The following ATP6V0E1 variants were observed in gnomAD, a reference collection of about 807,000 sequenced individuals.
The protein encoded by ATP6V0E1 is V-type proton ATPase subunit e 1.
Under a neutral mutation model 11.6 loss-of-function variants are expected in ATP6V0E1, and 4 were observed. That is an observed-to-expected ratio of 0.35 (90% CI 0.17 to 0.79). The LOEUF (loss-of-function observed/expected upper bound fraction) is 0.79, where lower values mean the gene tolerates loss of function less well. Among genes scored for constraint, ATP6V0E1 ranks in the 30% least tolerant of loss-of-function variants. ATP6V0E1 has a pLI of 0.54. For synonymous variants in ATP6V0E1, 36 were observed against 34.8 expected, an observed-to-expected ratio of 1.04 and a Z score of -0.13; for missense variants, 105 against 100.0, an observed-to-expected ratio of 1.05 and a Z score of -0.21.
intron 3 of ATP6V0E1, among the ~76,000 whole-genome samples, chr5:173,026,000 AT>A (rs1741034640): frequency 1.3e-5 from 2 of 151,552 alleles, no homozygotes; most frequent in South Asian, 4.2e-4. Flanking sequence ...TCAAATAATA[AT>A]ATTTTTTTTT....
At chr5:173,022,732 AAGTGATCCTCCTGCCTC>A (rs1385857510) in intron 3 of ATP6V0E1, among the ~76,000 whole-genome samples, 4 of 152,164 alleles carry the variant, frequency 2.6e-5, no homozygotes, top group Admixed American at 2.6e-4. Context: ...CTCCTGGCTC[AAGTGATCCTCCTGCCTC>A]AGCCTCCTGA....
chr5:173,010,180 C>T (rs1430607406), intron 2 of ATP6V0E1, among the ~76,000 whole-genome samples: 4 of 152,048 alleles, frequency 2.6e-5, no homozygotes, highest in South Asian at 2.1e-4. Context: ...GTGGGAACCT[C>T]GGGAGAATTG....
chr5:172,992,120 G>A (rs965049326), intron 1 of ATP6V0E1, among the ~76,000 whole-genome samples: 31 of 151,460 alleles, frequency 2.0e-4, no homozygotes, highest in African/African-American at 7.5e-4. Flanking sequence ...GCGCGATCTC[G>A]GCTCACTGCA....
intron 1 of ATP6V0E1, among the ~76,000 whole-genome samples, chr5:172,989,164 G>C (rs756066737): frequency 1.3e-5 from 2 of 152,126 alleles, no homozygotes; most frequent in East Asian, 3.9e-4. Flanking sequence ...GCAAGACCTG[G>C]TCTCTACAAA....
chr5:172,996,998 T>C (rs1042284700), intron 2 of ATP6V0E1, among the ~76,000 whole-genome samples: 21 of 151,902 alleles, frequency 1.4e-4, no homozygotes, highest in South Asian at 4.1e-4. Flanking sequence ...AAACTCTATT[T>C]CAAATAAACT....
chr5:173,027,534 T>C (rs922869076), intron 3 of ATP6V0E1, among the ~76,000 whole-genome samples: 4 of 151,794 alleles, frequency 2.6e-5, no homozygotes, highest in Non-Finnish European at 4.4e-5. Context: ...GTTTCTGTTT[T>C]GCCACAACCT....
intron 2 of ATP6V0E1, among the ~76,000 whole-genome samples, chr5:173,013,503 A>G (rs144006760): frequency 0.022 from 3,283 of 147,392 alleles, 70 homozygotes; most frequent in Middle Eastern, 0.046. Flanking sequence ...TGAACCCGGC[A>G]GGCGGAGCTT....
intron 2 of ATP6V0E1, among the ~76,000 whole-genome samples, chr5:172,996,255 G>A (rs1305948714): frequency 6.6e-6 from 1 of 152,128 alleles, no homozygotes; most frequent in Non-Finnish European, 1.5e-5. Context: ...CATCAGCAAA[G>A]TCCAGTATTA....
At chr5:172,985,085 AAC>A (rs1234962206) in intron 1 of ATP6V0E1, among the ~76,000 whole-genome samples, 1 of 152,064 alleles carries the variant, frequency 6.6e-6, no homozygotes, top group Non-Finnish European at 1.5e-5. Context: ...CTCTACTAAA[AAC>A]ACAAAAAATT....
intron 3 of ATP6V0E1, among the ~76,000 whole-genome samples, chr5:173,033,427 A>G (rs1288625414): frequency 6.6e-6 from 1 of 152,244 alleles, no homozygotes; most frequent in East Asian, 1.9e-4. Flanking sequence ...CCTAAGGAAG[A>G]GAACAGAAAA....
chr5:173,019,229 T>C (rs1330752179), intron 2 of ATP6V0E1, among the ~76,000 whole-genome samples: 2 of 152,164 alleles, frequency 1.3e-5, no homozygotes, highest in Non-Finnish European at 2.9e-5. Context: ...ATTATAGGCA[T>C]GAGCCACCGC....
chr5:173,008,302 CTTT>C (rs1219833765), intron 2 of ATP6V0E1, among the ~76,000 whole-genome samples: 2 of 132,488 alleles, frequency 1.5e-5, no homozygotes, highest in Admixed American at 7.6e-5. Context: ...CTTTTCTTTT[CTTT>C]TTTTTTTTTT....
chr5:172,991,505 T>C (rs571215648), intron 1 of ATP6V0E1, among the ~76,000 whole-genome samples: 13 of 152,122 alleles, frequency 8.5e-5, no homozygotes, highest in African/African-American at 2.4e-4. Flanking sequence ...GAGTAAAGGC[T>C]TGGAATTGAG....
intron 3 of ATP6V0E1, among the ~76,000 whole-genome samples, chr5:173,029,303 C>T (rs1033990951): frequency 6.6e-6 from 1 of 152,186 alleles, no homozygotes; most frequent in Non-Finnish European, 1.5e-5. Context: ...GCTGGGTATT[C>T]TGCTGCCATT....
At chr5:173,020,144 G>C (rs1756457263) in intron 2 of ATP6V0E1, 94 bp from the exon 3 acceptor site, 2 of 986,942 alleles carry the variant, frequency 2.0e-6, no homozygotes, top group South Asian at 2.8e-5. Flanking sequence ...GTAGATTTAA[G>C]TTTTGCTAGT....
chr5:173,034,331 C>T (rs748844468), intron 3 of ATP6V0E1, 68 bp from the exon 4 acceptor site: 29 of 697,588 alleles, frequency 4.2e-5, no homozygotes, highest in South Asian at 1.9e-4. Context: ...TTAACTTTCT[C>T]GATGTTAACT....
intron 1 of ATP6V0E1, 84 bp from the exon 2 acceptor site, chr5:172,994,691 C>T (rs996746178): frequency 1.3e-4 from 143 of 1,131,286 alleles, no homozygotes; most frequent in Non-Finnish European, 1.7e-4. Context: ...GTTTGATAAT[C>T]TGGAAAGGGG....
chr5:173,014,160 T>TA (rs757466248), intron 2 of ATP6V0E1, among the ~76,000 whole-genome samples: 1,213 of 67,434 alleles, frequency 0.018, 15 homozygotes, highest in African/African-American at 0.035. Context: ...GACTCCATCT[T>TA]AAAAAAAAAA....
In ATP6V0E1 at chr5:173,034,782, C is replaced by A. The variant is rs529988831; in HGVS notation, c.*420C>A. 6.8e-5 allele frequency: 16 copies of A among 236,160 alleles called. No individual in the cohort carries two copies. In the Admixed American group the frequency reaches 8.4e-4, roughly 12 times the overall value. 14.6% of individuals were successfully genotyped at this position (236,160 alleles called of 1,614,324 possible). A position where few individuals can be genotyped will look rare whatever the true frequency, so the allele number is the denominator to read the frequency against. On this transcript the variant is annotated 3_prime_UTR_variant, in exon 4 of 4. Transcript: ENST00000519374. ...CAGTGGGGTGGTCAGTAGGAGAGCACGTTCAGAGGGAAGAGCCATCTCAAC... is the reference window on the plus strand; with the variant it reads ...CAGTGGGGTGGTCAGTAGGAGAGCAAGTTCAGAGGGAAGAGCCATCTCAAC...
Sources: allele counts gnomAD v4.1 joint callset (sites outside exome capture counted in the v4.1 genomes callset), GRCh38; gene constraint gnomAD v4.1.1; transcripts MANE v1.5; gene names NCBI Gene and HGNC (gene_info 2026-07-23, HGNC 2026-07-21).